Variants in CFAP221 observed in about 807,000 individuals in gnomAD.
The protein encoded by CFAP221 is cilia and flagella associated protein 221, also known as cilia- and flagella-associated protein 221.
In CFAP221, 97 loss-of-function variants were observed where a neutral mutation model predicts 113.1. The observed-to-expected ratio is 0.86, with a 90% confidence interval of 0.73 to 1.02. The LOEUF is 1.02. Among genes scored for constraint, CFAP221 ranks in the 50% least tolerant of loss-of-function variants. The pLI is 0.00. For missense variants in CFAP221, 1,025 were observed against 1,013.4 expected, an observed-to-expected ratio of 1.01 and a Z score of -0.16; for synonymous variants, 331 against 354.4, an observed-to-expected ratio of 0.93 and a Z score of 0.74.
At chr2:119,637,710 A>G (rs753721056) in intron 19 of CFAP221, among the ~76,000 whole-genome samples, 3 of 152,182 alleles carry the variant, frequency 2.0e-5, no homozygotes, top group Non-Finnish European at 4.4e-5. Context: ...TTAATAAAAA[A>G]CAGGATCTCC....
chr2:119,638,248 G>C lies in CFAP221; in HGVS notation c.1975-11G>C. 2 of 1,613,484 alleles carry C rather than the reference G, an allele frequency of 1.2e-6. No individual in the cohort carries two copies. The highest frequency in any genetic ancestry group is 1.7e-6 in the Non-Finnish European group (2 of 1,179,696). ...AAACAGAAAAGAATATTTTTTCCCT[G>C]TCTTCGGCAGAATCCCAACCCAGGA... On this transcript the variant is annotated splice_polypyrimidine_tract_variant and intron_variant, in intron 19 of 23. Coordinates refer to ENST00000413369, the MANE Select transcript of CFAP221 (RefSeq NM_001271049.2).
chr2:119,572,667 C>CG (rs753794717), intron 6 of CFAP221: 2 of 671,920 alleles, frequency 3.0e-6, no homozygotes, highest in Non-Finnish European at 5.5e-6. Flanking sequence ...AATTGGTTAG[C>CG]GTGCTCTAGA....
chr2:119,603,431 C>A (rs532681008), intron 8 of CFAP221, among the ~76,000 whole-genome samples: 2 of 152,204 alleles, frequency 1.3e-5, no homozygotes, highest in Non-Finnish European at 2.9e-5. Context: ...GGGAGTCTCA[C>A]CAAGGGACAC....
intron 6 of CFAP221, among the ~76,000 whole-genome samples, chr2:119,566,932 A>G (rs749700762): frequency 5.3e-5 from 8 of 151,990 alleles, no homozygotes; most frequent in Admixed American, 1.3e-4. Flanking sequence ...TTTTATGACT[A>G]TTTATCTTAC....
chr2:119,594,418 G>A (rs375904796), intron 7 of CFAP221, among the ~76,000 whole-genome samples: 7 of 151,756 alleles, frequency 4.6e-5, no homozygotes, highest in Admixed American at 6.6e-5. Flanking sequence ...TTTTGTTATT[G>A]TATATTTAGT....
At chr2:119,641,389 A>G (rs1056966405) in intron 21 of CFAP221, among the ~76,000 whole-genome samples, 1 of 152,204 alleles carries the variant, frequency 6.6e-6, no homozygotes, top group African/African-American at 2.4e-5. Context: ...GAAAACCAGC[A>G]TCCTTGTTCT....
intron 14 of CFAP221, among the ~76,000 whole-genome samples, chr2:119,619,621 G>A (rs1364486939): frequency 2.0e-5 from 3 of 152,130 alleles, no homozygotes; most frequent in African/African-American, 4.8e-5. Context: ...ATAAATCCAC[G>A]AAGATGAGGA....
intron 19 of CFAP221, among the ~76,000 whole-genome samples, chr2:119,631,836 C>T (rs551372162): frequency 6.6e-6 from 1 of 152,270 alleles, no homozygotes; most frequent in African/African-American, 2.4e-5. Context: ...GACATCACTA[C>T]ATATTCTACA....
At position 119,656,381 on chromosome 2, in the gene CFAP221, C is replaced by T. The variant is rs746785342; in HGVS notation, c.2434C>T (p.Gln812Ter). Residue 812 changes from glutamine to a stop codon, truncating the protein, a stop_gained, in exon 24 of 24, where the codon CAA becomes TAA. Transcript: ENST00000413369. LOFTEE classifies it high-confidence loss of function. ...RKEKEVKDQA[Q>*]PAEKAGEKLL... ...ACTCAGAGAAGTGAAAGATCAAGCA[C>T]AACCAGCAGAGAAGGCCGGAGAGAA... The T allele has an allele frequency of 6.2e-6, 10 of 1,613,860 alleles. No individual in the cohort carries two copies. Among genetic ancestry groups the T allele is most frequent in the Middle Eastern group, 1.6e-4 (1 of 6,080 alleles).
Position 119,549,203 on chromosome 2 carries a change from G to T in CFAP221, c.240+18G>T, listed in dbSNP as rs1680257879. The T allele has an allele frequency of 4.1e-6, 6 of 1,469,130 alleles. No homozygotes were observed. The highest frequency in any genetic ancestry group is 5.5e-6 in the Non-Finnish European group (6 of 1,095,952). The allele number at this position is 1,469,130 out of a possible 1,614,324, so 91.0% of individuals were successfully genotyped here. On this transcript the variant is annotated intron_variant, in intron 3 of 23. Coordinates refer to ENST00000413369, the MANE Select transcript of CFAP221 (RefSeq NM_001271049.2). ...AGATTCTGGTAGGTACTTTTTAAAT[G>T]GGATAATTAATCATCATAATGAAGT...
rs531898796 is a variant in CFAP221 at position 119,636,751 on chromosome 2, G to T, written c.1975-1508G>T. ...CCTCACAAATCCTTGCAGCCGAGGT[G>T]AGTCGCTACCACATGCATGCGTTAG... On this transcript the variant is annotated intron_variant, in intron 19 of 23. Transcript: ENST00000413369. Among the ~76,000 whole-genome samples the T allele has an allele frequency of 9.2e-5, 14 of 152,332 alleles. No individual in the cohort carries two copies. The East Asian group carries it at 2.5e-3, about 27-fold the overall frequency.
intron 3 of CFAP221, among the ~76,000 whole-genome samples, chr2:119,549,972 T>A (rs1317015641): frequency 6.6e-6 from 1 of 152,196 alleles, no homozygotes; most frequent in African/African-American, 2.4e-5. Context: ...CACCTAAGCA[T>A]CCTGTGCGTA....
intron 21 of CFAP221, among the ~76,000 whole-genome samples, chr2:119,640,890 C>G (rs143292559): frequency 6.6e-6 from 1 of 152,186 alleles, no homozygotes; most frequent in Non-Finnish European, 1.5e-5. Flanking sequence ...CTCTCTGGGC[C>G]CAGTCCTCTT....
chr2:119,556,889 AT>A (rs1680846599), intron 3 of CFAP221: 1 of 152,244 alleles, frequency 6.6e-6, no homozygotes, highest in African/African-American at 2.4e-5. Flanking sequence ...GACAATATAG[AT>A]ATTATGTCAT....
intron 6 of CFAP221, among the ~76,000 whole-genome samples, chr2:119,579,489 T>C (rs1682697772): frequency 6.6e-6 from 1 of 152,204 alleles, no homozygotes; most frequent in Non-Finnish European, 1.5e-5. Context: ...CTGGACTGTC[T>C]TTGATTTATG....
At chr2:119,620,649 TAA>T (rs1004350053) in intron 14 of CFAP221, among the ~76,000 whole-genome samples, 12 of 152,194 alleles carry the variant, frequency 7.9e-5, no homozygotes, top group African/African-American at 1.9e-4. Context: ...TACCAAATTG[TAA>T]AGACCATCAA....
rs758126201 is a variant in CFAP221 at position 119,647,015 on chromosome 2, C to T, written c.2283C>T (p.Ala761=). The change falls in exon 22 of 24, where the codon GCC becomes GCT. Residue 761 remains alanine, a synonymous_variant. Coordinates refer to ENST00000413369, the MANE Select transcript of CFAP221 (RefSeq NM_001271049.2). ...LPIDVPAILD[A]LPEEDRLETV... ...TAGACGTCCCTGCCATCCTTGATGC[C>T]TTACCAGAAGAGGACAGACTAGAAA... The T allele has an allele frequency of 1.4e-5, 23 of 1,613,270 alleles. No homozygotes were observed. Among genetic ancestry groups the T allele is most frequent in the Non-Finnish European group, 1.9e-5 (22 of 1,179,750 alleles).
chr2:119,633,303 CAA>C (rs1488006623), intron 19 of CFAP221, among the ~76,000 whole-genome samples: 2 of 149,286 alleles, frequency 1.3e-5, no homozygotes, highest in African/African-American at 4.9e-5. Context: ...TTCAATTAGA[CAA>C]AGATTTCTTA....
At chr2:119,553,856 A>G (rs1350034304) in intron 3 of CFAP221, among the ~76,000 whole-genome samples, 2 of 152,296 alleles carry the variant, frequency 1.3e-5, no homozygotes, top group East Asian at 1.9e-4. Flanking sequence ...GACATGCAGA[A>G]GGCACCCAAC....
Sources: gnomAD v4.1 joint callset for allele counts (sites outside exome capture counted in the v4.1 genomes callset) on GRCh38, gnomAD v4.1.1 for gene constraint, MANE v1.5 for transcripts, NCBI Gene and HGNC (gene_info 2026-07-23, HGNC 2026-07-21) for gene names.